Variants in DCC observed in about 807,000 individuals in gnomAD.
The protein encoded by DCC is netrin receptor DCC.
In DCC, 58 loss-of-function variants were observed where a neutral mutation model predicts 172.5. The ratio of observed to expected loss-of-function variants is 0.34; its 90% CI spans 0.27 to 0.42. DCC has a LOEUF of 0.42. DCC is among the 10% of genes least tolerant of loss of function. DCC has a pLI of 1.00. For missense variants in DCC, 1,740 were observed against 1,791.0 expected, an observed-to-expected ratio of 0.97 and a Z score of 0.51; for synonymous variants, 709 against 644.5, an observed-to-expected ratio of 1.10 and a Z score of -1.52.
chr18:52,897,515 GAT>G (rs1386344897), intron 2 of DCC, among the ~76,000 whole-genome samples: 1 of 152,114 alleles, frequency 6.6e-6, no homozygotes. Context: ...GTAAATATTT[GAT>G]ATACTTCACA....
At chr18:53,400,461 A>T (rs1375656904) in intron 18 of DCC, among the ~76,000 whole-genome samples, 1 of 152,120 alleles carries the variant, frequency 6.6e-6, no homozygotes, top group African/African-American at 2.4e-5. Flanking sequence ...ATTTATATTT[A>T]ATCCAAAGAG....
intron 12 of DCC, among the ~76,000 whole-genome samples, chr18:53,285,123 G>C (rs757221921): frequency 6.6e-6 from 1 of 152,102 alleles, no homozygotes; most frequent in Admixed American, 6.5e-5. Context: ...AAAAAAATCC[G>C]ATTTTCTGAG....
intron 5 of DCC, among the ~76,000 whole-genome samples, chr18:52,939,627 T>G (rs1302525459): frequency 6.6e-6 from 1 of 152,224 alleles, no homozygotes; most frequent in Non-Finnish European, 1.5e-5. Context: ...ATGCCTTGAT[T>G]TCTCTTTTCA....
intron 1 of DCC, among the ~76,000 whole-genome samples, chr18:52,418,985 C>T (rs1987151342): frequency 6.6e-6 from 1 of 151,440 alleles, no homozygotes; most frequent in South Asian, 2.1e-4. Context: ...CTCAGCCTCC[C>T]CAGTAGCTGG....
chr18:53,434,327 C>G (rs904091564), intron 21 of DCC, among the ~76,000 whole-genome samples: 1 of 152,146 alleles, frequency 6.6e-6, no homozygotes, highest in African/African-American at 2.4e-5. Flanking sequence ...CATAAGTAGT[C>G]TACCTAGATA....
chr18:53,140,790 A>G (rs1207344068), intron 7 of DCC, among the ~76,000 whole-genome samples: 1 of 152,104 alleles, frequency 6.6e-6, no homozygotes, highest in Non-Finnish European at 1.5e-5. Context: ...AAAGATTGGA[A>G]AGGGAAGCCC....
chr18:53,326,762 G>T (rs1446105534), intron 14 of DCC, among the ~76,000 whole-genome samples: 1 of 151,316 alleles, frequency 6.6e-6, no homozygotes, highest in Non-Finnish European at 1.5e-5. Context: ...CTAACACTCT[G>T]AAGTGAGAAA....
chr18:52,756,872 C>A (rs546486377), intron 2 of DCC: 1 of 152,186 alleles, frequency 6.6e-6, no homozygotes, highest in African/African-American at 2.4e-5. Context: ...ATAAATAGAA[C>A]TAACAATTAT....
intron 14 of DCC, among the ~76,000 whole-genome samples, chr18:53,338,697 A>G (rs2057619106): frequency 6.6e-6 from 1 of 152,246 alleles, no homozygotes; most frequent in South Asian, 2.1e-4. Flanking sequence ...CATAAAAATC[A>G]GAACAATTTA....
chr18:52,917,225 T>A (rs1385785624), intron 3 of DCC, among the ~76,000 whole-genome samples: 1 of 148,134 alleles, frequency 6.8e-6, no homozygotes, highest in East Asian at 2.0e-4. Flanking sequence ...GAGGCTGAGG[T>A]GGAAGATGGC....
At chr18:52,963,494 G>T (rs1197264161) in intron 5 of DCC, among the ~76,000 whole-genome samples, 5 of 152,100 alleles carry the variant, frequency 3.3e-5, no homozygotes, top group Admixed American at 3.3e-4. Flanking sequence ...AACAAAAGAG[G>T]GATGCGACTG....
intron 21 of DCC, among the ~76,000 whole-genome samples, chr18:53,420,137 A>G (rs1910559514): frequency 6.6e-6 from 1 of 152,166 alleles, no homozygotes; most frequent in Admixed American, 6.6e-5. Flanking sequence ...TTCCAGGAGT[A>G]AGCCACCATG....
intron 13 of DCC, among the ~76,000 whole-genome samples, chr18:53,321,536 C>T (rs140328030): frequency 7.2e-5 from 11 of 152,206 alleles, no homozygotes; most frequent in African/African-American, 2.6e-4. Flanking sequence ...TGTGTGGAAG[C>T]TAATGCAAAA....
intron 1 of DCC, among the ~76,000 whole-genome samples, chr18:52,356,957 G>A (rs1222095109): frequency 1.3e-5 from 2 of 151,986 alleles, no homozygotes; most frequent in East Asian, 3.9e-4. Flanking sequence ...TAATTTTTTT[G>A]TATTTTTAGT....
chr18:52,411,130 T>C (rs1986829873), intron 1 of DCC, among the ~76,000 whole-genome samples: 1 of 152,140 alleles, frequency 6.6e-6, no homozygotes, highest in Non-Finnish European at 1.5e-5. Context: ...AAACTTCCTG[T>C]GTAAGATCTT....
At chr18:53,323,507 C>T (rs2057434234) in intron 14 of DCC, among the ~76,000 whole-genome samples, 1 of 152,194 alleles carries the variant, frequency 6.6e-6, no homozygotes, top group African/African-American at 2.4e-5. Context: ...ACACTTGGTT[C>T]TTTTCTCATG....
At chr18:52,844,766 C>T (rs769496074) in intron 2 of DCC, among the ~76,000 whole-genome samples, 11 of 152,128 alleles carry the variant, frequency 7.2e-5, no homozygotes, top group Middle Eastern at 6.8e-3. Context: ...TTATTCATGA[C>T]CAGTCTTGTG....
chr18:53,437,801 A>G lies in DCC; in HGVS notation c.3229+2592A>G, dbSNP rs564616155. On this transcript the variant is annotated intron_variant, in intron 22 of 28. Coordinates refer to ENST00000442544, the MANE Select transcript of DCC (RefSeq NM_005215.4). The stretch of plus-strand genomic sequence containing the variant: ...AAACATTATATGTATTCAAGCAGTC[A>G]GTCAAGAAATGCGACTAAGCCCTCA... Among the ~76,000 whole-genome samples the G allele has an allele frequency of 1.1e-4, 17 of 152,302 alleles. 1 individual carries two copies. The South Asian group carries it at 3.5e-3, about 32-fold the overall frequency.
chr18:52,779,806 C>T (rs993293137), intron 2 of DCC, among the ~76,000 whole-genome samples: 1 of 152,204 alleles, frequency 6.6e-6, no homozygotes, highest in African/African-American at 2.4e-5. Context: ...CATATCCTCT[C>T]CAGCATCTGT....
Sources: allele counts gnomAD v4.1 joint callset (sites outside exome capture counted in the v4.1 genomes callset), GRCh38; gene constraint gnomAD v4.1.1; transcripts MANE v1.5; gene names NCBI Gene and HGNC (gene_info 2026-07-23, HGNC 2026-07-21).